The following ZNF385D variants were observed in gnomAD, a reference collection of about 807,000 sequenced individuals.
The protein encoded by ZNF385D is zinc finger protein 385D.
Under a neutral mutation model 35.8 loss-of-function variants are expected in ZNF385D, and 15 were observed. That is an observed-to-expected ratio of 0.42 (90% CI 0.28 to 0.64). The LOEUF is 0.64. Ranked by LOEUF, ZNF385D falls within the 30% of genes least tolerant of loss-of-function variation. ZNF385D has a pLI of 0.23. For synonymous variants in ZNF385D, 212 were observed against 186.8 expected (o/e 1.13, Z -1.10); for missense variants, 474 against 494.6 (o/e 0.96, Z 0.39).
intron 3 of ZNF385D, among the ~76,000 whole-genome samples, chr3:21,927,622 G>A (rs1026146246): frequency 9.9e-5 from 15 of 152,074 alleles, no homozygotes; most frequent in African/African-American, 3.1e-4. Context: ...ACACAAATAT[G>A]TTTAAAATAA....
chr3:21,953,078 C>T (rs546563594), intron 3 of ZNF385D, among the ~76,000 whole-genome samples: 44 of 152,072 alleles, frequency 2.9e-4, no homozygotes, highest in Non-Finnish European at 6.0e-4. Context: ...TTACAAACTA[C>T]CACAATTGTC....
chr3:22,372,279 C>T (rs1283933477), intron 2 of ZNF385D, among the ~76,000 whole-genome samples: 1 of 152,106 alleles, frequency 6.6e-6, no homozygotes. Flanking sequence ...TGCGGGATAC[C>T]GAAAAGGTGG....
chr3:22,124,660 C>A (rs1286614892), intron 3 of ZNF385D, among the ~76,000 whole-genome samples: 1 of 152,080 alleles, frequency 6.6e-6, no homozygotes, highest in South Asian at 2.1e-4. Context: ...ATTTGCATTT[C>A]TCTGATCAAT....
At chr3:22,371,152 A>C (rs936997142) in intron 2 of ZNF385D, among the ~76,000 whole-genome samples, 1 of 152,174 alleles carries the variant, frequency 6.6e-6, no homozygotes. Context: ...TCATGCTTAG[A>C]GACCAGAGTA....
intron 2 of ZNF385D, among the ~76,000 whole-genome samples, chr3:22,205,389 G>GA (rs144482139): frequency 0.014 from 2,074 of 144,890 alleles, 27 homozygotes; most frequent in African/African-American, 0.04. Flanking sequence ...CAATCTTAAA[G>GA]AAAAAAAAAA....
At chr3:21,878,444 A>G (rs1420124725) in intron 3 of ZNF385D, among the ~76,000 whole-genome samples, 2 of 152,074 alleles carry the variant, frequency 1.3e-5, no homozygotes, top group African/African-American at 4.8e-5. Context: ...GTAAAAAGAA[A>G]AATTAGTATT....
chr3:22,291,308 GTGT>G (rs1408531822), intron 2 of ZNF385D, among the ~76,000 whole-genome samples: 1 of 152,096 alleles, frequency 6.6e-6, no homozygotes, highest in Admixed American at 6.5e-5. Flanking sequence ...AAAGATTATA[GTGT>G]TGTTCAACAT....
intron 3 of ZNF385D, among the ~76,000 whole-genome samples, chr3:21,913,002 A>AT (rs1700032761): frequency 6.6e-6 from 1 of 152,038 alleles, no homozygotes; most frequent in African/African-American, 2.4e-5. Flanking sequence ...TTAAAAGCAA[A>AT]TTTTTACTTT....
chr3:21,498,902 G>A lies in ZNF385D; in HGVS notation c.439+11959C>T, dbSNP rs190247555. On this transcript the variant is annotated intron_variant, in intron 4 of 7. Coordinates refer to ENST00000281523, the MANE Select transcript of ZNF385D (RefSeq NM_024697.3). ...AGGTTGCAGTGAGCTGAGATCGATC[G>A]CACCACTGCACCCCAGCCTGATGAC... is the stretch of plus-strand genomic sequence containing the variant. Among the ~76,000 whole-genome samples the A allele has an allele frequency of 4.7e-5, 6 of 128,116 alleles. No individual in the cohort carries two copies. The East Asian group carries it at 7.3e-4, about 16-fold the overall frequency. The allele number at this position is 128,116 out of a possible 152,430, so 84.0% of individuals were successfully genotyped here.
intron 3 of ZNF385D, among the ~76,000 whole-genome samples, chr3:21,830,570 C>T (rs1166372053): frequency 6.6e-6 from 1 of 152,210 alleles, no homozygotes; most frequent in East Asian, 1.9e-4. Flanking sequence ...GCAATTCTTA[C>T]TTGGTATTTG....
intron 2 of ZNF385D, among the ~76,000 whole-genome samples, chr3:22,266,846 T>C (rs939696004): frequency 2.0e-5 from 3 of 151,962 alleles, no homozygotes; most frequent in Non-Finnish European, 2.9e-5. Flanking sequence ...AGCAAAGTCA[T>C]GTTCTCTTTT....
At chr3:22,151,173 T>G (rs1705207092) in intron 3 of ZNF385D, among the ~76,000 whole-genome samples, 1 of 152,128 alleles carries the variant, frequency 6.6e-6, no homozygotes, top group African/African-American at 2.4e-5. Flanking sequence ...GATAGTTTCA[T>G]GGGGCAGGGG....
chr3:21,590,595 G>A lies in ZNF385D; in HGVS notation c.166-25911C>T, dbSNP rs536067899. On this transcript the variant is annotated intron_variant, in intron 2 of 7. Transcript: ENST00000281523. ...TTTTTATCTGTTGAATTTTCATCCC[G>A]AAAAATGGCCCAGACAACCAATCAT... 5.6e-4 allele frequency among the ~76,000 whole-genome samples: 85 copies of A among 152,024 alleles called. 1 individual carries two copies. In the South Asian group the frequency reaches 0.016, roughly 29 times the overall value.
rs549118813 is a variant in ZNF385D at position 22,028,168 on chromosome 3, T to G, written c.325+140649A>C. Among the ~76,000 whole-genome samples, 3 of 152,340 alleles carry G rather than the reference T, an allele frequency of 2.0e-5. No homozygotes were observed. In the East Asian group the frequency reaches 5.8e-4, roughly 29 times the overall value. On this transcript the variant is annotated intron_variant, in intron 3 of 5. Coordinates refer to the ZNF385D transcript ENST00000494108. ...CAAATTTGGGGAAGAGGTATGTGGATGGTCACCTCTAAGTGGTCAAAAACT... is the reference window on the plus strand; with the variant it reads ...CAAATTTGGGGAAGAGGTATGTGGAGGGTCACCTCTAAGTGGTCAAAAACT...
Position 21,642,054 on chromosome 3 carries a change from A to C in ZNF385D, c.165+22832T>G, listed in dbSNP as rs150188681. ...CAACATGGCACTGGCCAGGCAGAAA[A>C]CTCATCTGCATAATAAAAGATTAGG... On this transcript the variant is annotated intron_variant, in intron 2 of 7. Transcript: ENST00000281523. Among the ~76,000 whole-genome samples the C allele has an allele frequency of 2.8e-3, 424 of 152,068 alleles. 4 individuals carry two copies. The highest frequency in any genetic ancestry group is 3.7e-3 in the Non-Finnish European group (250 of 67,970).
chr3:22,029,921 T>C (rs547789391), intron 3 of ZNF385D, among the ~76,000 whole-genome samples: 2 of 152,088 alleles, frequency 1.3e-5, no homozygotes, highest in Admixed American at 6.5e-5. Flanking sequence ...ATATACAAAG[T>C]ATTGATCCCC....
chr3:21,814,650 G>C (rs4574321), intron 3 of ZNF385D, among the ~76,000 whole-genome samples: 8,378 of 152,214 alleles, frequency 0.055, 553 homozygotes, highest in East Asian at 0.31. Context: ...AAATATATAT[G>C]CACCCAATAC....
Position 21,751,125 on chromosome 3 carries a change from G to A in ZNF385D, c.-209C>T, listed in dbSNP as rs953041491. ...AAGATCCCCGGCGGCTGGAGAGTGC[G>A]CTCGGGCTGCCTGCTGCACTGCCCA... On this transcript the variant is annotated 5_prime_UTR_variant, in exon 1 of 8. Transcript: ENST00000281523. 4 of 1,461,782 alleles carry A rather than the reference G, an allele frequency of 2.7e-6. No homozygotes were observed. The South Asian group carries it at 4.3e-5, about 16-fold the overall frequency. 90.6% of individuals were successfully genotyped at this position (1,461,782 alleles called of 1,614,324 possible).
chr3:22,000,519 G>A (rs1695772596), intron 3 of ZNF385D, among the ~76,000 whole-genome samples: 1 of 152,026 alleles, frequency 6.6e-6, no homozygotes, highest in Non-Finnish European at 1.5e-5. Flanking sequence ...ATAAAAATGG[G>A]CAACCAACAG....
Sources: allele counts gnomAD v4.1 joint callset (sites outside exome capture counted in the v4.1 genomes callset), GRCh38; gene constraint gnomAD v4.1.1; transcripts MANE v1.5; gene names NCBI Gene and HGNC (gene_info 2026-07-23, HGNC 2026-07-21).